ZCCHC7: variants seen among roughly 807,000 people sequenced by gnomAD.
ZCCHC7 encodes the protein zinc finger CCHC-type containing 7.
A neutral mutation model predicts 52.0 loss-of-function variants in ZCCHC7; 35 were observed. That is an observed-to-expected ratio of 0.67 (90% CI 0.51 to 0.89). The LOEUF is 0.89. ZCCHC7 is among the 40% of genes least tolerant of loss of function. The pLI is 0.00. For missense variants in ZCCHC7, 574 were observed against 649.1 expected (o/e 0.88, Z 1.26); for synonymous variants, 217 against 221.5 (o/e 0.98, Z 0.18).
chr9:37,335,736 A>G (rs1391333027), intron 6 of ZCCHC7, among the ~76,000 whole-genome samples: 1 of 152,182 alleles, frequency 6.6e-6, no homozygotes, highest in Non-Finnish European at 1.5e-5. Context: ...ATTGAAGGGA[A>G]TCTTTTGTTG....
chr9:37,127,264 G>T (rs762255444), intron 2 of ZCCHC7, among the ~76,000 whole-genome samples: 3 of 152,044 alleles, frequency 2.0e-5, no homozygotes, highest in Non-Finnish European at 4.4e-5. Context: ...GGTACCACAG[G>T]TGAGTACTCC....
At chr9:37,139,661 G>A (rs1843140203) in intron 2 of ZCCHC7, among the ~76,000 whole-genome samples, 1 of 151,890 alleles carries the variant, frequency 6.6e-6, no homozygotes, top group South Asian at 2.1e-4. Context: ...ACGTTTTAAG[G>A]GAAGACAGCA....
In ZCCHC7 at chr9:37,263,208, G is replaced by A. The variant is rs997704496; in HGVS notation, c.611-38980G>A. Among the ~76,000 whole-genome samples the A allele has an allele frequency of 6.6e-5, 10 of 151,868 alleles. No homozygotes were observed. In the South Asian group the frequency reaches 1.0e-3, roughly 16 times the overall value. Reference sequence around the variant, plus strand: ...CTAGACTTGGGGACCTATGGGATTCGCATCAGTTATGGTGCTTAACAAAAC... The same window carrying A: ...CTAGACTTGGGGACCTATGGGATTCACATCAGTTATGGTGCTTAACAAAAC... On this transcript the variant is annotated intron_variant, in intron 2 of 8. Coordinates refer to ENST00000336755, the MANE Select transcript of ZCCHC7 (RefSeq NM_032226.3).
chr9:37,155,267 G>A (rs10116673), intron 2 of ZCCHC7, among the ~76,000 whole-genome samples: 63,939 of 151,826 alleles, frequency 0.42, 14,933 homozygotes, highest in African/African-American at 0.62. Context: ...AGGCTGAGGC[G>A]GGAGAATGGT....
intron 8 of ZCCHC7, 124 bp from the exon 9 acceptor site, chr9:37,356,711 G>A: frequency 1.2e-6 from 1 of 829,060 alleles, no homozygotes; most frequent in Non-Finnish European, 1.8e-6. Flanking sequence ...TTTAGTGAGT[G>A]ATGTCATACT....
chr9:37,350,471 G>A (rs1035534903), intron 7 of ZCCHC7, among the ~76,000 whole-genome samples: 2 of 152,092 alleles, frequency 1.3e-5, no homozygotes, highest in Admixed American at 6.6e-5. Flanking sequence ...GTTTTCCCTG[G>A]TACAATGTTC....
chr9:37,170,320 A>C (rs1821661239), intron 2 of ZCCHC7, among the ~76,000 whole-genome samples: 1 of 152,208 alleles, frequency 6.6e-6, no homozygotes, highest in Non-Finnish European at 1.5e-5. Flanking sequence ...ATTTTTCTTA[A>C]TTGAAATTTT....
intron 2 of ZCCHC7, among the ~76,000 whole-genome samples, chr9:37,176,818 T>C (rs1478997463): frequency 6.6e-6 from 1 of 152,160 alleles, no homozygotes; most frequent in African/African-American, 2.4e-5. Flanking sequence ...ACTGAAGATA[T>C]ATCGGAAATG....
At chr9:37,205,134 G>T in intron 2 of ZCCHC7, 1 of 264,802 alleles carries the variant, frequency 3.8e-6, no homozygotes, top group Non-Finnish European at 7.4e-6. Flanking sequence ...CACCTGCACA[G>T]TATGCAGGTT....
Position 37,163,519 on chromosome 9 carries a change from C to G in ZCCHC7, c.610+36577C>G, listed in dbSNP as rs575128807. 1.8e-3 allele frequency among the ~76,000 whole-genome samples: 275 copies of G among 152,210 alleles called. 1 individual carries two copies. Among genetic ancestry groups the G allele is most frequent in the African/African-American group, 6.4e-3 (266 of 41,518 alleles). On this transcript the variant is annotated intron_variant, in intron 2 of 8. Coordinates refer to ENST00000336755, the MANE Select transcript of ZCCHC7 (RefSeq NM_032226.3). ...AATCCTTGCTAACCCTACGAACAGT[C>G]TTGATAATTTTGTCGTTCTGATATT...
intron 2 of ZCCHC7, among the ~76,000 whole-genome samples, chr9:37,292,924 G>A (rs181578137): frequency 2.9e-4 from 44 of 152,230 alleles, no homozygotes; most frequent in Middle Eastern, 3.4e-3. Flanking sequence ...ACTGGAAGGG[G>A]GAACCAAAGT....
chr9:37,142,201 T>G (rs1396199335), intron 2 of ZCCHC7, among the ~76,000 whole-genome samples: 2 of 151,792 alleles, frequency 1.3e-5, no homozygotes, highest in East Asian at 1.9e-4. Context: ...AATGATGTTA[T>G]GATATACTGT....
At chr9:37,123,870 C>G (rs545260466) in intron 1 of ZCCHC7, among the ~76,000 whole-genome samples, 1 of 152,332 alleles carries the variant, frequency 6.6e-6, no homozygotes, top group East Asian at 1.9e-4. Context: ...TTCAGACAAT[C>G]ACATTCAATT....
intron 2 of ZCCHC7, among the ~76,000 whole-genome samples, chr9:37,201,832 CAAAG>C (rs1179897539): frequency 6.6e-6 from 1 of 152,122 alleles, no homozygotes; most frequent in African/African-American, 2.4e-5. Context: ...GCTATAGAAA[CAAAG>C]AAGCTATACA....
upstream of ZCCHC7, among the ~76,000 whole-genome samples, chr9:37,120,366 A>G (rs548300024): frequency 4.6e-5 from 7 of 151,996 alleles, no homozygotes; most frequent in South Asian, 1.2e-3. Flanking sequence ...TGGGAAGGGG[A>G]AGGGGGAAAG....
chr9:37,273,464 C>T (rs1235243061), intron 2 of ZCCHC7, among the ~76,000 whole-genome samples: 5 of 152,178 alleles, frequency 3.3e-5, no homozygotes, highest in African/African-American at 9.7e-5. Context: ...GATCGCGCCA[C>T]TGCACTCCAG....
intron 2 of ZCCHC7, among the ~76,000 whole-genome samples, chr9:37,227,531 AAG>A (rs1825176148): frequency 6.6e-6 from 1 of 152,180 alleles, no homozygotes; most frequent in Non-Finnish European, 1.5e-5. Context: ...CACAGACTGG[AAG>A]AGTCTTTTCT....
chr9:37,212,647 A>G (rs1824303984), intron 2 of ZCCHC7, among the ~76,000 whole-genome samples: 1 of 152,188 alleles, frequency 6.6e-6, no homozygotes, highest in Non-Finnish European at 1.5e-5. Flanking sequence ...GCCTTACTTC[A>G]GAGTCCCCAT....
At chr9:37,177,315 A>AG (rs1822094655) in intron 2 of ZCCHC7, among the ~76,000 whole-genome samples, 1 of 152,186 alleles carries the variant, frequency 6.6e-6, no homozygotes, top group Non-Finnish European at 1.5e-5. Flanking sequence ...AGCCTGGGTG[A>AG]CAGAGTGAGA....
Sources: gnomAD v4.1 joint callset for allele counts (sites outside exome capture counted in the v4.1 genomes callset) on GRCh38, gnomAD v4.1.1 for gene constraint, MANE v1.5 for transcripts, NCBI Gene and HGNC (gene_info 2026-07-23, HGNC 2026-07-21) for gene names.